PXDNL: variants seen among roughly 807,000 people sequenced by gnomAD.
PXDNL encodes probable oxidoreductase PXDNL.
PXDNL carries 145 observed loss-of-function variants against 150.8 expected under a neutral mutation model. The observed-to-expected ratio is 0.96, with a 90% CI of 0.84 to 1.10. The LOEUF (loss-of-function observed/expected upper bound fraction) is 1.10, where lower values mean the gene tolerates loss of function less well. PXDNL is among the 50% of genes least tolerant of loss of function. The pLI, the probability that PXDNL is intolerant of heterozygous loss-of-function variation, is 0.00. For missense variants in PXDNL, 2,087 were observed against 1,873.9 expected (o/e 1.11, Z -2.10); for synonymous variants, 757 against 725.7 (o/e 1.04, Z -0.69).
chr8:51,396,535 T>A (rs1384890690), intron 17 of PXDNL, among the ~76,000 whole-genome samples: 1 of 152,144 alleles, frequency 6.6e-6, no homozygotes, highest in Non-Finnish European at 1.5e-5. Flanking sequence ...GGCAGGTGGA[T>A]CACCTGAGGT....
intron 12 of PXDNL, among the ~76,000 whole-genome samples, chr8:51,445,719 T>C (rs764929643): frequency 1.3e-5 from 2 of 152,192 alleles, no homozygotes; most frequent in Non-Finnish European, 2.9e-5. Flanking sequence ...ATAATATGTG[T>C]GGACTTACTA....
chr8:51,342,648 G>T (rs1200863802), intron 20 of PXDNL, among the ~76,000 whole-genome samples: 1 of 152,138 alleles, frequency 6.6e-6, no homozygotes, highest in Non-Finnish European at 1.5e-5. Context: ...ATGAGTCTGG[G>T]AAGCTGTGTA....
intron 18 of PXDNL, among the ~76,000 whole-genome samples, chr8:51,374,144 T>A (rs1200633644): frequency 6.6e-6 from 1 of 152,220 alleles, no homozygotes; most frequent in Non-Finnish European, 1.5e-5. Flanking sequence ...TCCATGAGAA[T>A]GAAGGGAGGG....
chr8:51,705,874 T>G (rs955657884), intron 1 of PXDNL, among the ~76,000 whole-genome samples: 2 of 152,152 alleles, frequency 1.3e-5, no homozygotes, highest in African/African-American at 4.8e-5. Context: ...TGTGTGCAGA[T>G]TCTTACATGC....
chr8:51,507,508 G>A (rs1376199249), intron 4 of PXDNL, among the ~76,000 whole-genome samples: 4 of 152,156 alleles, frequency 2.6e-5, no homozygotes, highest in African/African-American at 7.2e-5. Flanking sequence ...TGCTCAACAA[G>A]GTGATTTGAA....
chr8:51,809,203 C>T lies in PXDNL; in HGVS notation c.142G>A (p.Val48Ile), dbSNP rs541517735. The change falls in exon 1 of 23, where the codon GTA becomes ATA. Residue 48 changes from valine to isoleucine, a missense_variant. Coordinates refer to ENST00000356297, the MANE Select transcript of PXDNL (RefSeq NM_144651.5). ...MHLMLDHIPQVPQQTTVLDLR... is the reference protein window; with the variant it reads ...MHLMLDHIPQIPQQTTVLDLR... Reference sequence around the variant, plus strand: ...TACAGAACTGTGGTCTGCTGTGGTACCTGAGGAATGTGGTCCAGCATCAAG... The same window carrying T: ...TACAGAACTGTGGTCTGCTGTGGTATCTGAGGAATGTGGTCCAGCATCAAG... The T allele has an allele frequency of 1.2e-6, 2 of 1,613,774 alleles. No homozygotes were observed. Among genetic ancestry groups the T allele is most frequent in the East Asian group, 2.2e-5 (1 of 44,850 alleles).
At chr8:51,545,598 TG>T (rs1439875444) in intron 4 of PXDNL, among the ~76,000 whole-genome samples, 1 of 152,100 alleles carries the variant, frequency 6.6e-6, no homozygotes, top group East Asian at 1.9e-4. Flanking sequence ...TGTCATCCCA[TG>T]GCAGAAAGGC....
chr8:51,765,972 T>C (rs4279584), intron 1 of PXDNL, among the ~76,000 whole-genome samples: 17,405 of 151,992 alleles, frequency 0.11, 1,300 homozygotes, highest in Middle Eastern at 0.23. Flanking sequence ...GCCTCCCACG[T>C]AGCTGGCACT....
chr8:51,457,726 A>G (rs1586122949), intron 8 of PXDNL, 59 bp from the exon 9 acceptor site: 1 of 1,372,372 alleles, frequency 7.3e-7, no homozygotes, highest in East Asian at 2.3e-5. Context: ...AAAACTCTTA[A>G]CAAGACTGAG....
intron 4 of PXDNL, among the ~76,000 whole-genome samples, chr8:51,550,060 G>T (rs1431874934): frequency 6.6e-6 from 1 of 152,138 alleles, no homozygotes; most frequent in African/African-American, 2.4e-5. Context: ...GCACATTCGT[G>T]TGCATAGACT....
intron 4 of PXDNL, among the ~76,000 whole-genome samples, chr8:51,530,599 C>G (rs10101729): frequency 0.023 from 3,529 of 152,238 alleles, 147 homozygotes; most frequent in African/African-American, 0.08. Flanking sequence ...CTCCACTCAC[C>G]CCAGTACAGC....
chr8:51,431,277 C>T (rs1300813541), intron 12 of PXDNL, among the ~76,000 whole-genome samples: 1 of 152,132 alleles, frequency 6.6e-6, no homozygotes, highest in Non-Finnish European at 1.5e-5. Context: ...GAAAAACAGG[C>T]CCTTCCACTT....
intron 13 of PXDNL, 69 bp downstream of exon 13, chr8:51,426,577 C>T: frequency 1.2e-6 from 1 of 830,458 alleles, no homozygotes; most frequent in Non-Finnish European, 1.9e-6. Flanking sequence ...GAATCATTAC[C>T]TCCATTTCAG....
intron 12 of PXDNL, among the ~76,000 whole-genome samples, chr8:51,431,456 A>G (rs1432714221): frequency 6.6e-6 from 1 of 152,146 alleles, no homozygotes; most frequent in Admixed American, 6.5e-5. Flanking sequence ...GATTTCCTTG[A>G]CTGTATGAAA....
intron 8 of PXDNL, among the ~76,000 whole-genome samples, chr8:51,469,627 A>G (rs1328227542): frequency 2.0e-5 from 3 of 152,100 alleles, no homozygotes; most frequent in Non-Finnish European, 2.9e-5. Flanking sequence ...AGGGGAGTAG[A>G]AAAGGATAAT....
intron 17 of PXDNL, among the ~76,000 whole-genome samples, chr8:51,379,594 T>C (rs1013487352): frequency 6.6e-6 from 1 of 152,152 alleles, no homozygotes; most frequent in African/African-American, 2.4e-5. Flanking sequence ...TCAAAATGTA[T>C]TCCTTGTATT....
chr8:51,601,747 C>A lies in PXDNL; in HGVS notation c.237-9049G>T, dbSNP rs149017581. ...TTAATATTCATATGTAAGAGTTTGACCCTATTACAAAGTTGTTAGCTATTT... is the reference window on the plus strand; with the variant it reads ...TTAATATTCATATGTAAGAGTTTGAACCTATTACAAAGTTGTTAGCTATTT... On this transcript the variant is annotated intron_variant, in intron 2 of 22. Coordinates refer to ENST00000356297, the MANE Select transcript of PXDNL (RefSeq NM_144651.5). 7.2e-3 allele frequency among the ~76,000 whole-genome samples: 1,088 copies of A among 151,516 alleles called. 15 individuals carry two copies. Among genetic ancestry groups the A allele is most frequent in the African/African-American group, 0.025 (1,037 of 41,366 alleles).
At chr8:51,806,443 A>G (rs1028739469) in intron 1 of PXDNL, among the ~76,000 whole-genome samples, 6 of 152,222 alleles carry the variant, frequency 3.9e-5, no homozygotes, top group African/African-American at 1.4e-4. Context: ...CTTAGTTTTC[A>G]AAAACTAATT....
chr8:51,323,189 T>A (rs1417307092), intron 21 of PXDNL, among the ~76,000 whole-genome samples: 1 of 152,244 alleles, frequency 6.6e-6, no homozygotes, highest in South Asian at 2.1e-4. Context: ...ATATCTATTC[T>A]AAACTTTAGG....
Sources: allele counts gnomAD v4.1 joint callset (sites outside exome capture counted in the v4.1 genomes callset), GRCh38; gene constraint gnomAD v4.1.1; transcripts MANE v1.5; gene names NCBI Gene and HGNC (gene_info 2026-07-23, HGNC 2026-07-21).